Variants in SCO1 observed in about 807,000 individuals in gnomAD.
SCO1 encodes synthesis of cytochrome C oxidase 1.
Under a neutral mutation model 34.0 loss-of-function variants are expected in SCO1, and 23 were observed. That is an observed-to-expected ratio of 0.68 (90% CI 0.49 to 0.96). The LOEUF is 0.96. SCO1 is among the 40% of genes least tolerant of loss of function. SCO1 has a pLI of 0.00. For synonymous variants in SCO1, 161 were observed against 145.5 expected, an observed-to-expected ratio of 1.11 and a Z score of -0.77; for missense variants, 404 against 381.6, an observed-to-expected ratio of 1.06 and a Z score of -0.49.
At chr17:10,688,757 T>C (rs918460291) in intron 4 of SCO1, among the ~76,000 whole-genome samples, 4 of 152,350 alleles carry the variant, frequency 2.6e-5, no homozygotes, top group East Asian at 3.9e-4. Flanking sequence ...GGTGAACTAT[T>C]AGTCAGCAAC....
rs1308912003 is a variant in SCO1, at chr17:10,673,892, TTAAA to T, written c.*7223_*7226del. On this transcript the variant is annotated 3_prime_UTR_variant, in exon 6 of 6. Transcript: ENST00000255390. ...GACAAAAATTTCAAAAGTGGGGCAA[TTAAA>T]TAATTATCAGAAAATGGAATTTGTT... 1.3e-5 allele frequency: 2 copies of T among 152,320 alleles called. No homozygotes were observed. Among genetic ancestry groups the T allele is most frequent in the East Asian group, 3.9e-4 (2 of 5,188 alleles). The allele number at this position is 152,320 out of a possible 1,614,324, so 9.4% of individuals were successfully genotyped here.
chr17:10,674,470 G>T lies in SCO1; in HGVS notation c.*6649C>A. On this transcript the variant is annotated 3_prime_UTR_variant, in exon 6 of 6. Coordinates refer to ENST00000255390, the MANE Select transcript of SCO1 (RefSeq NM_004589.4). ...AACAAAAAAACAGACTGTGATTGAG[G>T]AGAGCTGGAGTGGAGCCTGAGAAGC... 3.8e-6 allele frequency: 1 copy of T among 264,388 alleles called. No homozygotes were observed. The highest frequency in any genetic ancestry group is 3.7e-5 in the South Asian group (1 of 27,096). 16.4% of individuals were successfully genotyped at this position (264,388 alleles called of 1,614,324 possible). A position where few individuals can be genotyped will look rare whatever the true frequency, so the allele number is the denominator to read the frequency against.
chr17:10,689,115 CAAAAAAA>C (rs556558488), intron 4 of SCO1, among the ~76,000 whole-genome samples: 2 of 67,924 alleles, frequency 2.9e-5, no homozygotes, highest in South Asian at 5.8e-4. Context: ...GACTCCGTCT[CAAAAAAA>C]AAAAAAAAAA....
chr17:10,682,444 C>T (rs924782309), intron 5 of SCO1, among the ~76,000 whole-genome samples: 1 of 152,138 alleles, frequency 6.6e-6, no homozygotes, highest in Non-Finnish European at 1.5e-5. Context: ...CGTTTCTCCA[C>T]ATATTTGATA....
In SCO1 at chr17:10,692,740, TTTAG is replaced by T; in HGVS notation, c.562+20_562+23del. ...TAACATGAAGTAAACATATACTTTGTTTAGTTAGTGATGGCTTTCTTACCTATTT... is the reference window on the plus strand; with the variant it reads ...TAACATGAAGTAAACATATACTTTGTTTAGTGATGGCTTTCTTACCTATTT... On this transcript the variant is annotated intron_variant, in intron 3 of 5. Transcript: ENST00000255390. 1 of 1,591,592 alleles carries T rather than the reference TTTAG, an allele frequency of 6.3e-7. No homozygotes were observed. Among genetic ancestry groups the T allele is most frequent in the Middle Eastern group, 1.7e-4 (1 of 6,004 alleles).
In SCO1 at chr17:10,681,193, C is replaced by T. The variant is rs1373981129; in HGVS notation, c.832G>A (p.Gly278Ser). The change falls in exon 6 of 6, where the codon GGC (glycine) becomes AGC (serine). Residue 278 changes from glycine to serine, a missense_variant. By Grantham distance (56) the Gly-to-Ser change is moderately conservative. Coordinates refer to ENST00000255390, the MANE Select transcript of SCO1 (RefSeq NM_004589.4). ...GPDGEFLDYF[G>S]QNKRKGEIAA... ...ATTTCTCCCTTCCTCTTGTTCTGGC[C>T]AAAATAATCTAGAAACTCACCATCT... 1 of 1,614,004 alleles carries T rather than the reference C, an allele frequency of 6.2e-7. No individual in the cohort carries two copies. Among genetic ancestry groups the T allele is most frequent in the South Asian group, 1.1e-5 (1 of 91,080 alleles).
Position 10,691,978 on chromosome 17 carries a change from C to T in SCO1, c.563-14G>A. 6.4e-7 allele frequency: 1 copy of T among 1,563,754 alleles called. No homozygotes were observed. The highest frequency in any genetic ancestry group is 8.8e-7 in the Non-Finnish European group (1 of 1,134,608). ...TTGTAATGCTATCTGAAAGAGAGTT[C>T]CAATTAGTCCGTATTCACACCCTAA... is the stretch of plus-strand genomic sequence containing the variant. On this transcript the variant is annotated splice_polypyrimidine_tract_variant and intron_variant, in intron 3 of 5. Transcript: ENST00000255390.
intron 4 of SCO1, among the ~76,000 whole-genome samples, chr17:10,688,792 A>G (rs2074672240): frequency 6.6e-6 from 1 of 152,250 alleles, no homozygotes; most frequent in Admixed American, 6.5e-5. Context: ...TATGATACAC[A>G]GAAAGTGCAG....
intron 1 of SCO1, among the ~76,000 whole-genome samples, chr17:10,696,215 C>T (rs992781744): frequency 6.6e-6 from 1 of 151,512 alleles, no homozygotes; most frequent in African/African-American, 2.4e-5. Flanking sequence ...GAGGCGGAGG[C>T]GGGTGGATCA....
Position 10,689,839 on chromosome 17 carries a change from G to C in SCO1, c.655+2033C>G, listed in dbSNP as rs2074679555. Among the ~76,000 whole-genome samples the C allele has an allele frequency of 2.0e-5, 3 of 152,142 alleles. No individual in the cohort carries two copies. In the South Asian group the frequency reaches 6.2e-4, roughly 32 times the overall value. On this transcript the variant is annotated intron_variant, in intron 4 of 5. Transcript: ENST00000255390. ...GTACAAAGCCATAGTAACCACAACA[G>C]CATGGTACTGGCATAAAAACAGACA...
Position 10,676,290 on chromosome 17 carries a change from C to T in SCO1, c.*4829G>A, listed in dbSNP as rs556856091. 6.6e-6 allele frequency: 1 copy of T among 152,224 alleles called. No individual in the cohort carries two copies. The highest frequency in any genetic ancestry group is 1.5e-5 in the Non-Finnish European group (1 of 68,060). 9.4% of individuals were successfully genotyped at this position (152,224 alleles called of 1,614,324 possible). Reference sequence around the variant, plus strand: ...TATTTTTAGTAGAGACGGGTTTCTCCATGTTGGTCAGGCCAGTCTCGAACT... The same window carrying T: ...TATTTTTAGTAGAGACGGGTTTCTCTATGTTGGTCAGGCCAGTCTCGAACT... On this transcript the variant is annotated 3_prime_UTR_variant, in exon 6 of 6. Coordinates refer to ENST00000255390, the MANE Select transcript of SCO1 (RefSeq NM_004589.4).
In SCO1 at chr17:10,697,447, G is replaced by C. The variant is rs755735968; in HGVS notation, c.61C>G (p.Arg21Gly). Residue 21 changes from arginine (R) to glycine (G), a missense_variant, in exon 1 of 6, where the codon CGC (arginine) becomes GGC (glycine). Arg to Gly is a moderately radical substitution (Grantham distance 125, BLOSUM62 -2). Coordinates refer to ENST00000255390, the MANE Select transcript of SCO1 (RefSeq NM_004589.4). ...AACTCGAGTCCGCGAGGCAAGAAGC[G>C]CCAAAGTTGGCCACCCAGAGGCCGC... ...VMRPLGGQLW[R>G]FLPRGLEFWG... 111 of 1,612,842 alleles carry C rather than the reference G, an allele frequency of 6.9e-5. No individual in the cohort carries two copies. The highest frequency in any genetic ancestry group is 8.1e-5 in the Non-Finnish European group (96 of 1,179,764).
At position 10,680,330 on chromosome 17, in the gene SCO1, G is replaced by C. The variant is rs529273917; in HGVS notation, c.*789C>G. Reference sequence around the variant, plus strand: ...ACTCATCACCCATGAAAAAGATCACGCTTGTCTGAACAGCAAAACTGAGTA... The same window carrying C: ...ACTCATCACCCATGAAAAAGATCACCCTTGTCTGAACAGCAAAACTGAGTA... On this transcript the variant is annotated 3_prime_UTR_variant, in exon 6 of 6. Coordinates refer to ENST00000255390, the MANE Select transcript of SCO1 (RefSeq NM_004589.4). 3.9e-5 allele frequency: 6 copies of C among 152,442 alleles called. No individual in the cohort carries two copies. In the East Asian group the frequency reaches 1.2e-3, roughly 29 times the overall value. The allele number at this position is 152,442 out of a possible 1,614,324, so 9.4% of individuals were successfully genotyped here.
intron 5 of SCO1, among the ~76,000 whole-genome samples, chr17:10,684,615 CTGAGTTA>C (rs1030252023): frequency 6.6e-6 from 1 of 152,220 alleles, no homozygotes; most frequent in African/African-American, 2.4e-5. Flanking sequence ...CTTTCTGACT[CTGAGTTA>C]TGAGTTCTAA....
chr17:10,693,748 CTT>C (rs2074705160), intron 2 of SCO1, among the ~76,000 whole-genome samples: 1 of 152,150 alleles, frequency 6.6e-6, no homozygotes, highest in South Asian at 2.1e-4. Context: ...GCTGGAACCT[CTT>C]GTTGTGGCAG....
At chr17:10,692,656 A>T in intron 3 of SCO1, 108 bp downstream of exon 3, 1 of 896,026 alleles carries the variant, frequency 1.1e-6, no homozygotes, top group South Asian at 1.4e-5. Flanking sequence ...TTATGTTCTT[A>T]CAAATCACAT....
At chr17:10,683,589 TG>T (rs2074635562) in intron 5 of SCO1, among the ~76,000 whole-genome samples, 1 of 152,170 alleles carries the variant, frequency 6.6e-6, no homozygotes. Context: ...TCAGATTTTC[TG>T]ACCACTGCTG....
chr17:10,695,785 GCTC>G lies in SCO1; in HGVS notation c.317_319del (p.Gly106del), dbSNP rs755370144. ...GACGTGCTTCATTCCAGCCAGTAAAGCTCCTCCAATAGCAAATGTGATTGCTAA... is the reference window on the plus strand; with the variant it reads ...GACGTGCTTCATTCCAGCCAGTAAAGCTCCAATAGCAAATGTGATTGCTAA... On this transcript the variant is annotated inframe_deletion, in exon 2 of 6. Transcript: ENST00000255390. The G allele has an allele frequency of 1.9e-6, 3 of 1,613,662 alleles. No individual in the cohort carries two copies. The South Asian group carries it at 3.3e-5, about 18-fold the overall frequency.
At chr17:10,689,970 G>A (rs143819704) in intron 4 of SCO1, among the ~76,000 whole-genome samples, 129 of 152,122 alleles carry the variant, frequency 8.5e-4, no homozygotes, top group African/African-American at 2.9e-3. Context: ...CTCAAGAAAC[G>A]GCACTAGGAA....
Sources: gnomAD v4.1 joint callset for allele counts (sites outside exome capture counted in the v4.1 genomes callset) on GRCh38, gnomAD v4.1.1 for gene constraint, MANE v1.5 for transcripts, NCBI Gene and HGNC (gene_info 2026-07-23, HGNC 2026-07-21) for gene names.